Variants in GALNT13 observed in about 807,000 individuals in gnomAD.
The protein encoded by GALNT13 is UDP-GalNAc:polypeptide N-acetylgalactosaminyltransferase 13.
In GALNT13, 28 loss-of-function variants were observed where a neutral mutation model predicts 64.2. The observed-to-expected ratio is 0.44, with a 90% confidence interval of 0.32 to 0.60. The LOEUF is 0.60. GALNT13 is among the 20% of genes least tolerant of loss of function. The pLI is 0.05. For missense variants in GALNT13, 577 were observed against 669.8 expected (o/e 0.86, Z 1.53); for synonymous variants, 214 against 224.6 (o/e 0.95, Z 0.42).
At chr2:154,162,162 A>G (rs1397302117) in intron 4 of GALNT13, among the ~76,000 whole-genome samples, 1 of 152,190 alleles carries the variant, frequency 6.6e-6, no homozygotes, top group African/African-American at 2.4e-5. Flanking sequence ...ATAAACAACC[A>G]CTAGAATGAG....
the GALNT13 span, among the ~76,000 whole-genome samples, chr2:153,661,758 G>C: frequency 6.6e-6 from 1 of 152,086 alleles, no homozygotes; most frequent in South Asian, 2.1e-4. Context: ...TTCCAGCATA[G>C]TATATATAGA....
chr2:153,866,839 G>A, the GALNT13 span, among the ~76,000 whole-genome samples: 1 of 152,094 alleles, frequency 6.6e-6, no homozygotes, highest in Non-Finnish European at 1.5e-5. Flanking sequence ...CATAAATGAT[G>A]AGAAAATTTG....
chr2:153,091,345 A>T, the GALNT13 span, among the ~76,000 whole-genome samples: 2 of 151,930 alleles, frequency 1.3e-5, no homozygotes, highest in Non-Finnish European at 2.9e-5. Context: ...TGACTCCTTA[A>T]ATCCATTTCA....
chr2:153,883,986 A>G (rs917285510), intron 1 of GALNT13, among the ~76,000 whole-genome samples: 4 of 152,068 alleles, frequency 2.6e-5, no homozygotes, highest in African/African-American at 9.7e-5. Flanking sequence ...CACGATAAAC[A>G]TACAGGTGGC....
chr2:154,179,541 T>C (rs1685842630), intron 4 of GALNT13, among the ~76,000 whole-genome samples: 2 of 152,142 alleles, frequency 1.3e-5, no homozygotes. Flanking sequence ...AACTGTCAAA[T>C]GTGGAATATC....
chr2:153,240,240 A>G, the GALNT13 span, among the ~76,000 whole-genome samples: 2 of 152,040 alleles, frequency 1.3e-5, no homozygotes, highest in East Asian at 3.9e-4. Flanking sequence ...AAGATTAATC[A>G]ATTTTGTTTA....
intron 11 of GALNT13, among the ~76,000 whole-genome samples, chr2:154,431,811 T>C (rs750173991): frequency 6.6e-6 from 1 of 151,612 alleles, no homozygotes; most frequent in Non-Finnish European, 1.5e-5. Context: ...CTGATGGTTT[T>C]ATAAAGGGCA....
chr2:153,879,340 ATAAT>A (rs1411646884), intron 1 of GALNT13, among the ~76,000 whole-genome samples: 11 of 149,438 alleles, frequency 7.4e-5, no homozygotes, highest in Non-Finnish European at 1.2e-4. Context: ...TTTTGATAAA[ATAAT>A]TAAAACTACC....
At chr2:153,150,204 A>C in the GALNT13 span, among the ~76,000 whole-genome samples, 10 of 152,012 alleles carry the variant, frequency 6.6e-5, no homozygotes, top group Non-Finnish European at 1.0e-4. Flanking sequence ...GATGTCAGGG[A>C]TAGGCTTAAT....
intron 8 of GALNT13, among the ~76,000 whole-genome samples, chr2:154,274,603 T>A (rs1012694648): frequency 3.9e-5 from 6 of 152,104 alleles, no homozygotes; most frequent in Non-Finnish European, 7.4e-5. Context: ...GTGAAGAAGG[T>A]CATGTTTGCT....
Position 153,938,277 on chromosome 2 carries a change from T to G in GALNT13, c.-104-6117T>G, listed in dbSNP as rs569714084. Among the ~76,000 whole-genome samples the G allele has an allele frequency of 2.6e-5, 4 of 152,296 alleles. No individual in the cohort carries two copies. The South Asian group carries it at 6.2e-4, about 24-fold the overall frequency. ...GCAAGCAATACATTTAACATGGCAGTATGCAAAATTCTCTTCTGATTGTTT... is the reference window on the plus strand; with the variant it reads ...GCAAGCAATACATTTAACATGGCAGGATGCAAAATTCTCTTCTGATTGTTT... On this transcript the variant is annotated intron_variant, in intron 2 of 12. Coordinates refer to ENST00000392825, the MANE Select transcript of GALNT13 (RefSeq NM_052917.4).
At chr2:153,731,788 C>G in the GALNT13 span, among the ~76,000 whole-genome samples, 4 of 151,754 alleles carry the variant, frequency 2.6e-5, no homozygotes, top group African/African-American at 4.8e-5. Flanking sequence ...CAGTGCAGAG[C>G]TGCTATAAAC....
chr2:154,456,191 T>TTTTTTG (rs1702031109), downstream of GALNT13, among the ~76,000 whole-genome samples: 2 of 146,294 alleles, frequency 1.4e-5, no homozygotes, highest in Non-Finnish European at 1.5e-5. Flanking sequence ...TTTGTTTTGT[T>TTTTTTG]TTGTTGTTGT....
chr2:153,172,597 C>G, the GALNT13 span, among the ~76,000 whole-genome samples: 1 of 152,112 alleles, frequency 6.6e-6, no homozygotes, highest in East Asian at 1.9e-4. Flanking sequence ...CAGGTACCAA[C>G]AATGCCCTGC....
chr2:153,861,730 C>G, the GALNT13 span, among the ~76,000 whole-genome samples: 1 of 152,004 alleles, frequency 6.6e-6, no homozygotes, highest in African/African-American at 2.4e-5. Flanking sequence ...CCATGCACAG[C>G]TAATTTTTGT....
At chr2:153,496,620 C>T in the GALNT13 span, among the ~76,000 whole-genome samples, 2 of 152,154 alleles carry the variant, frequency 1.3e-5, no homozygotes, top group South Asian at 4.2e-4. Context: ...TCTTCATATT[C>T]CAAGTAGCCA....
intron 4 of GALNT13, among the ~76,000 whole-genome samples, chr2:154,233,936 C>A (rs1479662425): frequency 6.6e-6 from 1 of 152,076 alleles, no homozygotes; most frequent in Non-Finnish European, 1.5e-5. Flanking sequence ...AAATATTAAA[C>A]AGAGATTAAA....
chr2:154,312,193 C>A (rs1694083675), intron 9 of GALNT13, among the ~76,000 whole-genome samples: 1 of 54,590 alleles, frequency 1.8e-5, no homozygotes, highest in Non-Finnish European at 4.4e-5. Flanking sequence ...TAAAGACAGG[C>A]ATAAGAAATT....
chr2:154,077,714 G>A (rs1464293732), intron 3 of GALNT13, among the ~76,000 whole-genome samples: 1 of 151,412 alleles, frequency 6.6e-6, no homozygotes, highest in Non-Finnish European at 1.5e-5. Flanking sequence ...ATCAAGGAAT[G>A]TATGCTTTGG....
Sources: gnomAD v4.1 joint callset for allele counts (sites outside exome capture counted in the v4.1 genomes callset) on GRCh38, gnomAD v4.1.1 for gene constraint, MANE v1.5 for transcripts, NCBI Gene and HGNC (gene_info 2026-07-23, HGNC 2026-07-21) for gene names.